The following FAM200B variants were observed in gnomAD, a reference collection of about 807,000 sequenced individuals.
FAM200B encodes zinc finger BED-type containing 11.
FAM200B carries 32 observed loss-of-function variants against 33.1 expected under a neutral mutation model. The observed-to-expected ratio is 0.97, with a 90% CI of 0.73 to 1.30. The LOEUF is 1.30. FAM200B is among the 50% of genes most tolerant of loss of function. The pLI is 0.00. For synonymous variants in FAM200B, 240 were observed against 264.8 expected, an observed-to-expected ratio of 0.91 and a Z score of 0.91; for missense variants, 741 against 754.0, an observed-to-expected ratio of 0.98 and a Z score of 0.20.
In FAM200B at chr4:15,684,486, G is replaced by C. The variant is rs144349409; in HGVS notation, c.-742-1750G>C. On this transcript the variant is annotated intron_variant, in intron 1 of 1. Transcript: ENST00000422728. ...TTGAGCTATATATGATAAATATCTA[G>C]GGAGAGGTGGCAGAAGGACAAAATT... Among the ~76,000 whole-genome samples the C allele has an allele frequency of 4.3e-4, 65 of 152,274 alleles. No homozygotes were observed. The East Asian group carries it at 0.011, about 26-fold the overall frequency.
chr4:15,680,771 T>C (rs1283063763), upstream of FAM200B, among the ~76,000 whole-genome samples: 2 of 151,920 alleles, frequency 1.3e-5, no homozygotes, highest in Non-Finnish European at 2.9e-5. Context: ...GAAAGAGAAA[T>C]GCTGATAAAG....
At chr4:15,671,118 T>G in the FAM200B span, among the ~76,000 whole-genome samples, 7 of 151,826 alleles carry the variant, frequency 4.6e-5, no homozygotes, top group Non-Finnish European at 1.0e-4. Context: ...GAGATGGGGT[T>G]TCTCCATGTT....
the FAM200B span, chr4:15,641,034 A>G: frequency 2.1e-6 from 1 of 475,998 alleles, no homozygotes. Flanking sequence ...CATAAAAGAT[A>G]CCCATAAAAC....
chr4:15,657,984 C>G, the FAM200B span, among the ~76,000 whole-genome samples: 1 of 152,206 alleles, frequency 6.6e-6, no homozygotes, highest in Non-Finnish European at 1.5e-5. Flanking sequence ...TGAAAACCCA[C>G]ATTGTAGAAT....
chr4:15,656,112 C>T, the FAM200B span: 2 of 452,042 alleles, frequency 4.4e-6, no homozygotes, highest in Middle Eastern at 4.6e-4. Context: ...GGGATAGGCC[C>T]GACGGGCCTT....
chr4:15,648,011 C>T, the FAM200B span, among the ~76,000 whole-genome samples: 1 of 152,124 alleles, frequency 6.6e-6, no homozygotes, highest in South Asian at 2.1e-4. Flanking sequence ...GTGTGGTGTG[C>T]ACCACACCCA....
Position 15,687,427 on chromosome 4 carries a change from A to T in FAM200B, c.450A>T (p.Ser150=). ...TTAGTGAGAAAGCCTTATTATCATC[A>T]TATTTAGTTGCATATCGTGTGGCAA... is the stretch of plus-strand genomic sequence containing the variant. ...TAVSEKALLS[S]YLVAYRVAKE... is the part of the protein sequence containing the mutation. The change falls in exon 2 of 2, where the codon TCA becomes TCT. Residue 150 remains serine, a synonymous_variant. Transcript: ENST00000422728. The T allele has an allele frequency of 3.9e-6, 6 of 1,550,628 alleles. No homozygotes were observed. Among genetic ancestry groups the T allele is most frequent in the Non-Finnish European group, 5.2e-6 (6 of 1,146,308 alleles).
chr4:15,675,729 C>T, the FAM200B span, among the ~76,000 whole-genome samples: 6 of 151,904 alleles, frequency 3.9e-5, no homozygotes, highest in Non-Finnish European at 8.8e-5. Context: ...TTACTGGCAC[C>T]TGACACCACA....
the FAM200B span, among the ~76,000 whole-genome samples, chr4:15,644,988 A>G: frequency 6.6e-6 from 1 of 152,264 alleles, no homozygotes; most frequent in Non-Finnish European, 1.5e-5. Flanking sequence ...AGATTAAACC[A>G]GGCCCCTTCT....
Position 15,688,683 on chromosome 4 carries a change from A to G in FAM200B, c.1706A>G (p.Tyr569Cys). The change falls in exon 2 of 2, where the codon TAT becomes TGT. Residue 569 changes from tyrosine to cysteine, a missense_variant. Tyr to Cys is a radical substitution (Grantham distance 194). Coordinates refer to ENST00000422728, the MANE Select transcript of FAM200B (RefSeq NM_001145191.2). ...ENELLQLSSSYTLKNDYETLS... is the reference protein window; with the variant it reads ...ENELLQLSSSCTLKNDYETLS... ...GAATTATTGCAGCTTAGTTCTTCAT[A>G]TACATTGAAGAATGATTATGAAACC... 1 of 1,551,020 alleles carries G rather than the reference A, an allele frequency of 6.4e-7. No individual in the cohort carries two copies. Among genetic ancestry groups the G allele is most frequent in the Non-Finnish European group, 8.7e-7 (1 of 1,146,432 alleles).
chr4:15,659,689 A>G, the FAM200B span: 1 of 977,812 alleles, frequency 1.0e-6, no homozygotes, highest in Non-Finnish European at 1.2e-6. Context: ...GACAGAGAAG[A>G]GCCTTCCATT....
the FAM200B span, among the ~76,000 whole-genome samples, chr4:15,651,717 G>A: frequency 6.6e-6 from 1 of 152,154 alleles, no homozygotes; most frequent in Non-Finnish European, 1.5e-5. Flanking sequence ...ATAAATAAAT[G>A]TATAAATAAA....
chr4:15,687,029 G>C lies in FAM200B; in HGVS notation c.52G>C (p.Glu18Gln). The change falls in exon 2 of 2, where the codon GAA (glutamate) becomes CAA (glutamine). Residue 18 changes from glutamate (E) to glutamine (Q), a missense_variant. Coordinates refer to ENST00000422728, the MANE Select transcript of FAM200B (RefSeq NM_001145191.2). Reference sequence around the variant, plus strand: ...GAGGAATAGTGAAGTGAAATATACAGAAGCATGTTCAAGTTCATCTGTTGA... The same window carrying C: ...GAGGAATAGTGAAGTGAAATATACACAAGCATGTTCAAGTTCATCTGTTGA... ...RKRNSEVKYT[E>Q]ACSSSSVESG... is the part of the protein sequence containing the mutation. 6.6e-7 allele frequency: 1 copy of C among 1,511,534 alleles called. No homozygotes were observed. Among genetic ancestry groups the C allele is most frequent in the Non-Finnish European group, 8.9e-7 (1 of 1,120,914 alleles). 93.6% of individuals were successfully genotyped at this position (1,511,534 alleles called of 1,614,324 possible).
chr4:15,656,268 C>T, the FAM200B span: 1 of 456,164 alleles, frequency 2.2e-6, no homozygotes, highest in Non-Finnish European at 4.4e-6. Flanking sequence ...ATCGCCTGGC[C>T]CTGGCCACAG....
chr4:15,649,920 A>G, the FAM200B span, among the ~76,000 whole-genome samples: 1 of 152,208 alleles, frequency 6.6e-6, no homozygotes, highest in Non-Finnish European at 1.5e-5. Flanking sequence ...CCAAGTCCCT[A>G]AAACTCTAAC....
chr4:15,684,365 T>C (rs1718628796), intron 1 of FAM200B, among the ~76,000 whole-genome samples: 1 of 152,230 alleles, frequency 6.6e-6, no homozygotes, highest in Admixed American at 6.5e-5. Context: ...CTCTGGCTTC[T>C]CATTAAAGCC....
In FAM200B at chr4:15,688,451, G is replaced by T; in HGVS notation, c.1474G>T (p.Glu492Ter). 1 of 1,543,254 alleles carries T rather than the reference G, an allele frequency of 6.5e-7. No homozygotes were observed. Among genetic ancestry groups the T allele is most frequent in the South Asian group, 1.2e-5 (1 of 83,064 alleles). ...GTTTCCAAGATTTTTGCAGCATATT[G>T]AAGAGAATATTATTAATGAAAACAT... Reference protein sequence around the residue: ...YMFPRFLQHIEENIINENILK... With the variant: ...YMFPRFLQHI Residue 492 changes from glutamate to a stop codon, truncating the protein, a stop_gained, in exon 2 of 2, where the codon GAA (glutamate) becomes TAA (stop). Transcript: ENST00000422728. LOFTEE classifies it high-confidence loss of function.
upstream of FAM200B, among the ~76,000 whole-genome samples, chr4:15,681,038 C>A (rs1355302797): frequency 1.3e-5 from 2 of 151,368 alleles, no homozygotes; most frequent in Non-Finnish European, 2.9e-5. Flanking sequence ...ACGAACCTAT[C>A]TTGTTAATGA....
the FAM200B span, among the ~76,000 whole-genome samples, chr4:15,675,127 C>T: frequency 6.6e-6 from 1 of 151,814 alleles, no homozygotes; most frequent in Non-Finnish European, 1.5e-5. Flanking sequence ...TGTAACCAGG[C>T]TTGTAGAAGA....
Sources: allele counts gnomAD v4.1 joint callset (sites outside exome capture counted in the v4.1 genomes callset), GRCh38; gene constraint gnomAD v4.1.1; transcripts MANE v1.5; gene names NCBI Gene and HGNC (gene_info 2026-07-23, HGNC 2026-07-21).